MARCKS: variants seen among roughly 807,000 people sequenced by gnomAD.
MARCKS encodes the protein myristoylated alanine rich protein kinase C substrate, also known as myristoylated alanine-rich C-kinase substrate.
A neutral mutation model predicts 6.3 loss-of-function variants in MARCKS; 4 were observed. The ratio of observed to expected loss-of-function variants is 0.63; its 90% confidence interval spans 0.31 to 1.45. The LOEUF (loss-of-function observed/expected upper bound fraction) is 1.45, where lower values mean the gene tolerates loss of function less well. Among genes scored for constraint, MARCKS ranks in the 40% most tolerant of loss-of-function variants. The pLI, the probability that MARCKS is intolerant of heterozygous loss-of-function variation, is 0.07. For missense variants in MARCKS, 636 were observed against 485.7 expected (o/e 1.31, Z -2.91); for synonymous variants, 289 against 236.5 (o/e 1.22, Z -2.04).
In MARCKS at chr6:113,860,288, G is replaced by T. The variant is rs1435056393; in HGVS notation, c.708G>T (p.Glu236Asp). ...EEGAAGGDPQ[E>D]AKPQEAAVAP... Reference sequence around the variant, plus strand: ...GGGCGGCGGGTGGCGACCCGCAGGAGGCCAAGCCCCAGGAGGCCGCTGTCG... The same window carrying T: ...GGGCGGCGGGTGGCGACCCGCAGGATGCCAAGCCCCAGGAGGCCGCTGTCG... The change falls in exon 2 of 2, where the codon GAG becomes GAT. Residue 236 changes from glutamate to aspartate, a missense_variant. Physicochemically the swap from Glu to Asp is conservative, Grantham distance 45 (BLOSUM62 2). Coordinates refer to ENST00000612661, the MANE Select transcript of MARCKS (RefSeq NM_002356.7). 2.4e-6 allele frequency: 3 copies of T among 1,251,304 alleles called. No homozygotes were observed. The East Asian group carries it at 1.8e-4, about 76-fold the overall frequency. 77.5% of individuals were successfully genotyped at this position (1,251,304 alleles called of 1,614,324 possible). A position where few individuals can be genotyped will look rare whatever the true frequency, so the allele number is the denominator to read the frequency against.
At chr6:113,858,938 G>A (rs1774831328) in intron 1 of MARCKS, among the ~76,000 whole-genome samples, 2 of 152,258 alleles carry the variant, frequency 1.3e-5, no homozygotes, top group African/African-American at 4.8e-5. Context: ...AGCCCGACCG[G>A]CAGGCCAGGA....
Position 113,860,025 on chromosome 6 carries a change from G to T in MARCKS, c.445G>T (p.Glu149Ter). 1 of 1,568,910 alleles carries T rather than the reference G, an allele frequency of 6.4e-7. No individual in the cohort carries two copies. Among genetic ancestry groups the T allele is most frequent in the Non-Finnish European group, 8.6e-7 (1 of 1,161,736 alleles). Reference sequence around the variant, plus strand: ...CGGGGCCACGCCCTCGCCCAGCAACGAGACCCCGAAAAAAAAAAAGAAGCG... The same window carrying T: ...CGGGGCCACGCCCTCGCCCAGCAACTAGACCCCGAAAAAAAAAAAGAAGCG... ...EDGATPSPSN[E>*]TPKKKKKRFS... Residue 149 changes from glutamate (E) to a stop codon, truncating the protein, a stop_gained, in exon 2 of 2, where the codon GAG becomes TAG. Transcript: ENST00000612661. LOFTEE classifies it low-confidence loss of function (END_TRUNC).
chr6:113,860,208 G>C lies in MARCKS; in HGVS notation c.628G>C (p.Ala210Pro). 1 of 1,111,698 alleles carries C rather than the reference G, an allele frequency of 9.0e-7. No homozygotes were observed. The highest frequency in any genetic ancestry group is 1.7e-5 in the African/African-American group (1 of 59,448). 68.9% of individuals were successfully genotyped at this position (1,111,698 alleles called of 1,614,324 possible). ...TGCGGCCGCCGCCGAGGCGGGCGCG[G>C]CCTCCGGGGAGCAGGCAGCGGCGCC... Reference protein sequence around the residue: ...AAAAAAEAGAASGEQAAAPGE... With the variant: ...AAAAAAEAGAPSGEQAAAPGE... The change falls in exon 2 of 2, where the codon GCC (alanine) becomes CCC (proline). Residue 210 changes from alanine to proline, a missense_variant. Physicochemically the swap from Ala to Pro is conservative, Grantham distance 27. Coordinates refer to ENST00000612661, the MANE Select transcript of MARCKS (RefSeq NM_002356.7).
rs775342784 is a variant in MARCKS at position 113,860,482 on chromosome 6, C to T, written c.902C>T (p.Pro301Leu). The change falls in exon 2 of 2, where the codon CCC (proline) becomes CTC (leucine). Residue 301 changes from proline to leucine, a missense_variant. By Grantham distance (98) the Pro-to-Leu change is moderately conservative (BLOSUM62 -3). Transcript: ENST00000612661. ...PEQEAAPAEE[P>L]AAAAASSACA... ...CAGGAGGCAGCCCCCGCGGAGGAGC[C>T]CGCGGCCGCCGCAGCCTCGTCAGCC... is the stretch of plus-strand genomic sequence containing the variant. The T allele has an allele frequency of 1.4e-5, 21 of 1,486,178 alleles. No individual in the cohort carries two copies. The highest frequency in any genetic ancestry group is 4.4e-5 in the African/African-American group (3 of 68,136). The allele number at this position is 1,486,178 out of a possible 1,614,324, so 92.1% of individuals were successfully genotyped here. A position where few individuals can be genotyped will look rare whatever the true frequency, so the allele number is the denominator to read the frequency against.
Position 113,859,934 on chromosome 6 carries a change from G to T in MARCKS, c.354G>T (p.Ser118=). The T allele has an allele frequency of 2.0e-6, 3 of 1,477,044 alleles. No homozygotes were observed. The highest frequency in any genetic ancestry group is 2.9e-5 in the East Asian group (1 of 34,618). The allele number at this position is 1,477,044 out of a possible 1,614,324, so 91.5% of individuals were successfully genotyped here. A position where few individuals can be genotyped will look rare whatever the true frequency, so the allele number is the denominator to read the frequency against. ...AAGGCGAGGCTGCCGAGCCCGGCTC[G>T]CCCACGGCCGCGGAGGGAGAGGCCG... The part of the protein sequence containing the change: ...PAEGEAAEPG[S]PTAAEGEAAS... The change falls in exon 2 of 2, where the codon TCG becomes TCT. Residue 118 remains serine, a synonymous_variant. Coordinates refer to ENST00000612661, the MANE Select transcript of MARCKS (RefSeq NM_002356.7).
chr6:113,859,812 G>C lies in MARCKS; in HGVS notation c.232G>C (p.Gly78Arg). 7.6e-7 allele frequency: 1 copy of C among 1,310,496 alleles called. No homozygotes were observed. The highest frequency in any genetic ancestry group is 9.7e-7 in the Non-Finnish European group (1 of 1,031,896). The allele number at this position is 1,310,496 out of a possible 1,614,324, so 81.2% of individuals were successfully genotyped here. The stretch of plus-strand genomic sequence containing the variant: ...GGAGGAGCCCGCGGCCGCCGGGAGC[G>C]GGGCGGCGTCGCCCTCCGCGGCCGA... Reference protein sequence around the residue: ...DKEEPAAAGSGAASPSAAEKG... With the variant: ...DKEEPAAAGSRAASPSAAEKG... Residue 78 changes from glycine to arginine, a missense_variant, in exon 2 of 2, where the codon GGG (glycine) becomes CGG (arginine). Physicochemically the swap from Gly to Arg is moderately radical, Grantham distance 125. Transcript: ENST00000612661.
At position 113,862,441 on chromosome 6, in the gene MARCKS, G is replaced by A. The variant is rs1452705828; in HGVS notation, c.*1862G>A. ...CTTTTTTTTTTTTTTTTTTGAAAGT[G>A]TGTTAGCATCTTGTTACTCAAAGGA... On this transcript the variant is annotated 3_prime_UTR_variant, in exon 2 of 2. Transcript: ENST00000612661. The A allele has an allele frequency of 7.3e-6, 1 of 137,638 alleles. No individual in the cohort carries two copies. Among genetic ancestry groups the A allele is most frequent in the African/African-American group, 2.7e-5 (1 of 36,968 alleles). The allele number at this position is 137,638 out of a possible 1,614,324, so 8.5% of individuals were successfully genotyped here.
intron 1 of MARCKS, among the ~76,000 whole-genome samples, chr6:113,858,225 TG>T (rs1774817759): frequency 6.6e-6 from 1 of 151,284 alleles, no homozygotes; most frequent in Non-Finnish European, 1.5e-5. Context: ...GAAGCTGGAT[TG>T]TCTTCGAGAT....
Position 113,863,269 on chromosome 6 carries a change from T to C in MARCKS, c.*2690T>C, listed in dbSNP as rs1774930796. On this transcript the variant is annotated 3_prime_UTR_variant, in exon 2 of 2. Transcript: ENST00000612661. ...TTTCTAACGGAAAAAAATGTTAATATGGCTTTTTTGTATTACTAAAAATAG... is the reference window on the plus strand; with the variant it reads ...TTTCTAACGGAAAAAAATGTTAATACGGCTTTTTTGTATTACTAAAAATAG... 1 of 152,198 alleles carries C rather than the reference T, an allele frequency of 6.6e-6. No individual in the cohort carries two copies. The highest frequency in any genetic ancestry group is 2.1e-4 in the South Asian group (1 of 4,832). The allele number at this position is 152,198 out of a possible 1,614,324, so 9.4% of individuals were successfully genotyped here.
chr6:113,860,255 C>A lies in MARCKS; in HGVS notation c.675C>A (p.Gly225=). 8.9e-7 allele frequency: 1 copy of A among 1,118,940 alleles called. No individual in the cohort carries two copies. The highest frequency in any genetic ancestry group is 1.1e-6 in the Non-Finnish European group (1 of 907,904). 69.3% of individuals were successfully genotyped at this position (1,118,940 alleles called of 1,614,324 possible). A position where few individuals can be genotyped will look rare whatever the true frequency, so the allele number is the denominator to read the frequency against. The stretch of plus-strand genomic sequence containing the variant: ...CGCCGGGCGAGGAGGCGGCAGCGGG[C>A]GAGGAGGGGGCGGCGGGTGGCGACC... The part of the protein sequence containing the change: ...AAAPGEEAAA[G]EEGAAGGDPQ... The change falls in exon 2 of 2, where the codon GGC becomes GGA. Residue 225 remains glycine (G), a synonymous_variant. Coordinates refer to ENST00000612661, the MANE Select transcript of MARCKS (RefSeq NM_002356.7).
chr6:113,857,693 G>C lies in MARCKS; in HGVS notation c.-53G>C. On this transcript the variant is annotated 5_prime_UTR_variant, in exon 1 of 2. Coordinates refer to ENST00000612661, the MANE Select transcript of MARCKS (RefSeq NM_002356.7). ...CGCCCCGTCGTTACACCAACCCGAG[G>C]CTCTTTGTTTCCCCTCTTGGATCTG... The C allele has an allele frequency of 7.0e-7, 1 of 1,432,814 alleles. No homozygotes were observed. The highest frequency in any genetic ancestry group is 9.6e-7 in the Non-Finnish European group (1 of 1,045,172). The allele number at this position is 1,432,814 out of a possible 1,614,324, so 88.8% of individuals were successfully genotyped here. A position where few individuals can be genotyped will look rare whatever the true frequency, so the allele number is the denominator to read the frequency against.
At position 113,860,498 on chromosome 6, in the gene MARCKS, C is replaced by G. The variant is rs1216479122; in HGVS notation, c.918C>G (p.Ala306=). Residue 306 remains alanine, a synonymous_variant, in exon 2 of 2, where the codon GCC becomes GCG. Coordinates refer to ENST00000612661, the MANE Select transcript of MARCKS (RefSeq NM_002356.7). ...CGGAGGAGCCCGCGGCCGCCGCAGC[C>G]TCGTCAGCCTGCGCAGCCCCCTCAC... ...APAEEPAAAA[A]SSACAAPSQE... 9.2e-6 allele frequency: 14 copies of G among 1,523,452 alleles called. No individual in the cohort carries two copies. The highest frequency in any genetic ancestry group is 1.2e-5 in the Non-Finnish European group (14 of 1,136,314). 94.4% of individuals were successfully genotyped at this position (1,523,452 alleles called of 1,614,324 possible).
At chr6:113,858,839 C>G (rs919924094) in intron 1 of MARCKS, among the ~76,000 whole-genome samples, 3 of 152,272 alleles carry the variant, frequency 2.0e-5, no homozygotes, top group Non-Finnish European at 4.4e-5. Context: ...GAGGCGCGCC[C>G]AGGCTTCGCA....
Position 113,860,221 on chromosome 6 carries a change from A to T in MARCKS, c.641A>T (p.Gln214Leu). The T allele has an allele frequency of 1.8e-6, 2 of 1,084,962 alleles. No individual in the cohort carries two copies. Among genetic ancestry groups the T allele is most frequent in the Non-Finnish European group, 2.2e-6 (2 of 890,090 alleles). 67.2% of individuals were successfully genotyped at this position (1,084,962 alleles called of 1,614,324 possible). A position where few individuals can be genotyped will look rare whatever the true frequency, so the allele number is the denominator to read the frequency against. Residue 214 changes from glutamine (Q) to leucine (L), a missense_variant, in exon 2 of 2, where the codon CAG (glutamine) becomes CTG (leucine). Physicochemically the swap from Gln to Leu is moderately radical, Grantham distance 113. Coordinates refer to ENST00000612661, the MANE Select transcript of MARCKS (RefSeq NM_002356.7). ...AAEAGAASGE[Q>L]AAAPGEEAAA... ...GAGGCGGGCGCGGCCTCCGGGGAGC[A>T]GGCAGCGGCGCCGGGCGAGGAGGCG... is the stretch of plus-strand genomic sequence containing the variant.
rs1466828831 is a variant in MARCKS, at chr6:113,859,685, G to A, written c.105G>A (p.Glu35=). Residue 35 remains glutamate, a splice_region_variant and synonymous_variant, in exon 2 of 2, where the codon GAG becomes GAA. Coordinates refer to ENST00000612661, the MANE Select transcript of MARCKS (RefSeq NM_002356.7). ...ASSPSKANGQ[E]NGHVKVNGDA... is the part of the protein sequence containing the mutation. ...CTCCCGCTTTCTCTGCCCCTTAGGAGAATGGCCACGTGAAGGTAAACGGCG... is the reference window on the plus strand; with the variant it reads ...CTCCCGCTTTCTCTGCCCCTTAGGAAAATGGCCACGTGAAGGTAAACGGCG... The A allele has an allele frequency of 6.7e-6, 10 of 1,503,622 alleles. No homozygotes were observed. Among genetic ancestry groups the A allele is most frequent in the South Asian group, 3.7e-5 (3 of 80,672 alleles). The allele number at this position is 1,503,622 out of a possible 1,614,324, so 93.1% of individuals were successfully genotyped here. A position where few individuals can be genotyped will look rare whatever the true frequency, so the allele number is the denominator to read the frequency against.
At chr6:113,859,626 C>T (rs1359926529) in intron 1 of MARCKS, 57 bp from the exon 2 acceptor site, 2 of 1,395,842 alleles carry the variant, frequency 1.4e-6, no homozygotes, top group South Asian at 1.4e-5. Flanking sequence ...GGGCTGGGGG[C>T]GGGAATGGCG....
Position 113,860,022 on chromosome 6 carries a change from A to G in MARCKS, c.442A>G (p.Asn148Asp). The G allele has an allele frequency of 1.3e-6, 2 of 1,570,888 alleles. No homozygotes were observed. Among genetic ancestry groups the G allele is most frequent in the Non-Finnish European group, 1.7e-6 (2 of 1,162,822 alleles). Residue 148 changes from asparagine (N) to aspartate (D), a missense_variant, in exon 2 of 2, where the codon AAC (asparagine) becomes GAC (aspartate). Physicochemically the swap from Asn to Asp is conservative, Grantham distance 23. Transcript: ENST00000612661. ...GGACGGGGCCACGCCCTCGCCCAGCAACGAGACCCCGAAAAAAAAAAAGAA... is the reference window on the plus strand; with the variant it reads ...GGACGGGGCCACGCCCTCGCCCAGCGACGAGACCCCGAAAAAAAAAAAGAA... ...AEDGATPSPS[N>D]ETPKKKKKRF...
rs1185348653 is a variant in MARCKS at position 113,859,832 on chromosome 6, G to T, written c.252G>T (p.Ala84=). Residue 84 remains alanine, a synonymous_variant, in exon 2 of 2, where the codon GCG becomes GCT. Coordinates refer to ENST00000612661, the MANE Select transcript of MARCKS (RefSeq NM_002356.7). ...AAGSGAASPS[A]AEKGEPAAAA... Reference sequence around the variant, plus strand: ...GGAGCGGGGCGGCGTCGCCCTCCGCGGCCGAGAAAGGTGAGCCGGCCGCCG... The same window carrying T: ...GGAGCGGGGCGGCGTCGCCCTCCGCTGCCGAGAAAGGTGAGCCGGCCGCCG... The T allele has an allele frequency of 3.1e-6, 4 of 1,288,096 alleles. No homozygotes were observed. The highest frequency in any genetic ancestry group is 4.3e-5 in the Admixed American group (1 of 23,128). 79.8% of individuals were successfully genotyped at this position (1,288,096 alleles called of 1,614,324 possible).
At chr6:113,859,370 A>T (rs1490257927) in intron 1 of MARCKS, among the ~76,000 whole-genome samples, 2 of 152,154 alleles carry the variant, frequency 1.3e-5, no homozygotes, top group Non-Finnish European at 2.9e-5. Context: ...GAGGGCTGGC[A>T]TGGTTAGCCT....
Sources: gnomAD v4.1 joint callset for allele counts (sites outside exome capture counted in the v4.1 genomes callset) on GRCh38, gnomAD v4.1.1 for gene constraint, MANE v1.5 for transcripts, NCBI Gene and HGNC (gene_info 2026-07-23, HGNC 2026-07-21) for gene names.